The following USH2A variants were observed in gnomAD, a reference collection of about 807,000 sequenced individuals.
The protein encoded by USH2A is Usher syndrome 2A (autosomal recessive, mild).
USH2A carries 443 observed loss-of-function variants against 538.9 expected under a neutral mutation model. That is an observed-to-expected ratio of 0.82 (90% CI 0.76 to 0.89). USH2A has a LOEUF of 0.89. USH2A is among the 40% of genes least tolerant of loss of function. The pLI is 0.00. For synonymous variants in USH2A, 2,413 were observed against 2,273.5 expected, an observed-to-expected ratio of 1.06 and a Z score of -1.75; for missense variants, 6,633 against 6,324.8, an observed-to-expected ratio of 1.05 and a Z score of -1.65.
chr1:215,695,662 C>T (rs1480282687), intron 61 of USH2A, among the ~76,000 whole-genome samples: 3 of 152,182 alleles, frequency 2.0e-5, no homozygotes, highest in Admixed American at 1.3e-4. Context: ...GAAGCTACAG[C>T]TGACCTCTGA....
rs566093910 is a variant in USH2A, at chr1:215,877,664, C to T, written c.8681+94G>A. On this transcript the variant is annotated intron_variant, in intron 43 of 71. Coordinates refer to ENST00000307340, the MANE Select transcript of USH2A (RefSeq NM_206933.4). ...ATGTTTTATTGCATAACTGATAACA[C>T]GCTCACACAATGAAGACACTGAGAT... is the stretch of plus-strand genomic sequence containing the variant. 4.4e-4 allele frequency: 694 copies of T among 1,568,690 alleles called. 10 individuals are homozygous for T. The South Asian group carries it at 6.3e-3, about 14-fold the overall frequency.
intron 11 of USH2A, among the ~76,000 whole-genome samples, chr1:216,265,632 T>C (rs887779065): frequency 2.1e-4 from 3 of 14,384 alleles, no homozygotes; most frequent in African/African-American, 1.9e-3. Context: ...ATAAAGAAAA[T>C]TTGATATATA....
chr1:215,773,502 CTCTCTCTCTG>C (rs572889076), intron 55 of USH2A, among the ~76,000 whole-genome samples: 1,904 of 145,828 alleles, frequency 0.013, 49 homozygotes, highest in African/African-American at 0.047. Flanking sequence ...GTCTCTCTCT[CTCTCTCTCTG>C]TCTCTCTCTC....
At chr1:215,703,455 G>GT (rs1659091786) in intron 61 of USH2A, among the ~76,000 whole-genome samples, 1 of 152,186 alleles carries the variant, frequency 6.6e-6, no homozygotes, top group Non-Finnish European at 1.5e-5. Flanking sequence ...GGAGATGGGA[G>GT]TTTTTCTCTA....
chr1:216,265,929 G>T (rs1490773662), intron 11 of USH2A, among the ~76,000 whole-genome samples: 1 of 151,952 alleles, frequency 6.6e-6, no homozygotes, highest in Non-Finnish European at 1.5e-5. Context: ...GGGAGAGGCT[G>T]GTTAACAGAT....
chr1:216,128,344 A>G (rs772590564), intron 21 of USH2A, among the ~76,000 whole-genome samples: 6 of 152,094 alleles, frequency 3.9e-5, no homozygotes, highest in African/African-American at 1.4e-4. Context: ...CTGAAGGTAT[A>G]AAGTATGGAT....
chr1:215,698,541 T>C (rs568216702), intron 61 of USH2A, among the ~76,000 whole-genome samples: 43 of 152,360 alleles, frequency 2.8e-4, no homozygotes, highest in Non-Finnish European at 5.4e-4. Flanking sequence ...TGGTATCTCA[T>C]TGTGGTTTTG....
chr1:215,786,559 G>A (rs896676970), intron 52 of USH2A, 111 bp downstream of exon 52: 6 of 1,174,572 alleles, frequency 5.1e-6, no homozygotes, highest in Middle Eastern at 1.9e-4. Context: ...ATGATGGAAT[G>A]TACTGATATC....
intron 4 of USH2A, among the ~76,000 whole-genome samples, chr1:216,364,199 T>A (rs1317041521): frequency 6.6e-6 from 1 of 152,008 alleles, no homozygotes; most frequent in Non-Finnish European, 1.5e-5. Flanking sequence ...ATTTTTAATG[T>A]AGTAAATGTA....
intron 21 of USH2A, among the ~76,000 whole-genome samples, chr1:216,143,184 G>T (rs1030157966): frequency 6.6e-6 from 1 of 152,148 alleles, no homozygotes; most frequent in African/African-American, 2.4e-5. Flanking sequence ...AAGGGCTAAA[G>T]ATTGCCAAGT....
chr1:215,796,318 T>C (rs1284749895), intron 50 of USH2A, among the ~76,000 whole-genome samples: 1 of 152,186 alleles, frequency 6.6e-6, no homozygotes, highest in Non-Finnish European at 1.5e-5. Context: ...AGTCTATTGG[T>C]GCCAATTTTC....
chr1:216,032,526 C>T (rs1669151624), intron 32 of USH2A, among the ~76,000 whole-genome samples: 1 of 152,084 alleles, frequency 6.6e-6, no homozygotes, highest in South Asian at 2.1e-4. Context: ...ATACAATTTT[C>T]CCCCTTTGAG....
At chr1:215,871,264 A>C (rs184975381) in intron 43 of USH2A, among the ~76,000 whole-genome samples, 3 of 152,362 alleles carry the variant, frequency 2.0e-5, no homozygotes, top group Admixed American at 2.0e-4. Context: ...TTAAAATCTT[A>C]CTTGTGGAAC....
chr1:216,321,982 A>G lies in USH2A; in HGVS notation c.1551-6T>C, dbSNP rs377636921. On this transcript the variant is annotated splice_region_variant and splice_polypyrimidine_tract_variant and intron_variant, in intron 8 of 71. Transcript: ENST00000307340. ...CATGACCATGGCACTGACATCTGCA[A>G]ACATGAGCATCACACACTCCTAAGG... 4.0e-5 allele frequency: 64 copies of G among 1,613,686 alleles called. No homozygotes were observed. The highest frequency in any genetic ancestry group is 5.2e-5 in the Non-Finnish European group (61 of 1,179,794).
intron 61 of USH2A, among the ~76,000 whole-genome samples, chr1:215,718,340 G>A (rs1659542945): frequency 1.3e-5 from 2 of 152,272 alleles, no homozygotes; most frequent in South Asian, 4.1e-4. Context: ...AGTGGTTTCA[G>A]TAATTTAAAA....
intron 15 of USH2A, among the ~76,000 whole-genome samples, chr1:216,212,859 A>T (rs1159785863): frequency 6.6e-6 from 1 of 152,116 alleles, no homozygotes. Context: ...ATTTGGCAAT[A>T]AGTAATATAT....
chr1:215,701,989 G>A (rs781710013), intron 61 of USH2A, among the ~76,000 whole-genome samples: 3 of 152,170 alleles, frequency 2.0e-5, no homozygotes, highest in Non-Finnish European at 4.4e-5. Context: ...GCTTCCTTCA[G>A]AAGCTCTTGT....
At chr1:215,869,309 T>C (rs1004673211) in intron 43 of USH2A, among the ~76,000 whole-genome samples, 1 of 151,916 alleles carries the variant, frequency 6.6e-6, no homozygotes, top group South Asian at 2.1e-4. Context: ...ATAATAGTGA[T>C]GATAATAATA....
At chr1:216,287,195 AG>A (rs1486308572) in intron 11 of USH2A, among the ~76,000 whole-genome samples, 1 of 152,224 alleles carries the variant, frequency 6.6e-6, no homozygotes, top group African/African-American at 2.4e-5. Flanking sequence ...AAAGAAAAAA[AG>A]ATCACATGAT....
Sources: gnomAD v4.1 joint callset for allele counts (sites outside exome capture counted in the v4.1 genomes callset) on GRCh38, gnomAD v4.1.1 for gene constraint, MANE v1.5 for transcripts, NCBI Gene and HGNC (gene_info 2026-07-23, HGNC 2026-07-21) for gene names.